STX8: variants seen among roughly 807,000 people sequenced by gnomAD.
STX8 encodes the protein syntaxin-8.
Under a neutral mutation model 37.5 loss-of-function variants are expected in STX8, and 23 were observed. The ratio of observed to expected loss-of-function variants is 0.61; its 90% CI spans 0.44 to 0.87. STX8 has a LOEUF of 0.87. Ranked by LOEUF, STX8 falls within the 40% of genes least tolerant of loss-of-function variation. STX8 has a pLI of 0.00. For missense variants in STX8, 313 were observed against 284.7 expected, an observed-to-expected ratio of 1.10 and a Z score of -0.71; for synonymous variants, 115 against 99.1, an observed-to-expected ratio of 1.16 and a Z score of -0.95.
intron 6 of STX8, among the ~76,000 whole-genome samples, chr17:9,418,928 T>C (rs932299049): frequency 3.0e-5 from 4 of 134,358 alleles, no homozygotes; most frequent in Non-Finnish European, 5.0e-5. Context: ...TTTTCTTTTT[T>C]TTTTTTTTTT....
chr17:9,441,423 G>C (rs1442417292), intron 6 of STX8, among the ~76,000 whole-genome samples: 3 of 149,344 alleles, frequency 2.0e-5, no homozygotes, highest in African/African-American at 7.4e-5. Flanking sequence ...CCAGGAGGCA[G>C]AGGTGGCAGT....
intron 4 of STX8, among the ~76,000 whole-genome samples, chr17:9,530,485 A>C (rs1254697116): frequency 6.6e-6 from 1 of 152,232 alleles, no homozygotes; most frequent in Non-Finnish European, 1.5e-5. Context: ...ACATCCTAGC[A>C]ACACTTGACA....
chr17:9,317,202 C>T (rs985829350), intron 7 of STX8, among the ~76,000 whole-genome samples: 4 of 152,146 alleles, frequency 2.6e-5, no homozygotes, highest in African/African-American at 9.7e-5. Flanking sequence ...AAAGAAAGAG[C>T]TCTATACATT....
chr17:9,293,469 A>G lies in STX8; in HGVS notation c.644-42824T>C, dbSNP rs1395492096. ...TCACAGAAGATGTGGAATTTTAGAG[A>G]CTTTTTTTTTTTTTAATGAGAACAT... On this transcript the variant is annotated intron_variant, in intron 7 of 7. Transcript: ENST00000306357. Among the ~76,000 whole-genome samples, 3 of 142,116 alleles carry G rather than the reference A, an allele frequency of 2.1e-5. No individual in the cohort carries two copies. In the Admixed American group the frequency reaches 2.1e-4, roughly 10 times the overall value. 93.2% of individuals were successfully genotyped at this position (142,116 alleles called of 152,430 possible).
chr17:9,396,367 G>T (rs1009464245), intron 6 of STX8, among the ~76,000 whole-genome samples: 3 of 150,582 alleles, frequency 2.0e-5, no homozygotes, highest in Admixed American at 6.6e-5. Flanking sequence ...ATAGGAATTT[G>T]GGGGGGCGGG....
intron 6 of STX8, among the ~76,000 whole-genome samples, chr17:9,430,218 TA>T (rs1038505829): frequency 1.5e-5 from 2 of 131,534 alleles, no homozygotes; most frequent in African/African-American, 5.7e-5. Context: ...TATATATAAA[TA>T]AAATATATAT....
At chr17:9,518,782 C>T (rs1018441474) in intron 4 of STX8, among the ~76,000 whole-genome samples, 32 of 151,634 alleles carry the variant, frequency 2.1e-4, no homozygotes, top group Admixed American at 9.9e-4. Context: ...GCAGGAGAAT[C>T]GCCTGAACCC....
At chr17:9,562,612 AAATATAT>A (rs1037432875) in intron 2 of STX8, among the ~76,000 whole-genome samples, 1 of 15,606 alleles carries the variant, frequency 6.4e-5, no homozygotes, top group African/African-American at 8.7e-5. Flanking sequence ...AAAAAAAAAA[AAATATAT>A]ATATATATAT....
At chr17:9,384,653 C>T (rs1911927444) in intron 6 of STX8, among the ~76,000 whole-genome samples, 1 of 151,728 alleles carries the variant, frequency 6.6e-6, no homozygotes, top group African/African-American at 2.4e-5. Context: ...CAAAACAAAA[C>T]AAAACAAAAC....
At chr17:9,431,239 GTTTT>G (rs35452165) in intron 6 of STX8, among the ~76,000 whole-genome samples, 1 of 120,760 alleles carries the variant, frequency 8.3e-6, no homozygotes, top group South Asian at 2.7e-4. Flanking sequence ...TTATTTTTCT[GTTTT>G]TTTTTTTAGT....
chr17:9,370,638 G>A (rs1300927199), intron 7 of STX8, among the ~76,000 whole-genome samples: 1 of 152,102 alleles, frequency 6.6e-6, no homozygotes, highest in East Asian at 1.9e-4. Context: ...CACAATAAAC[G>A]TGCTTAGACA....
intron 7 of STX8, among the ~76,000 whole-genome samples, chr17:9,367,952 G>A (rs374850469): frequency 2.6e-5 from 4 of 152,040 alleles, no homozygotes; most frequent in Admixed American, 6.6e-5. Context: ...GGCTGGTCTC[G>A]AACTCCTGAC....
At chr17:9,441,151 T>C (rs1490270581) in intron 6 of STX8, among the ~76,000 whole-genome samples, 1 of 152,104 alleles carries the variant, frequency 6.6e-6, no homozygotes, top group Non-Finnish European at 1.5e-5. Flanking sequence ...CTAAGATGAA[T>C]ACAACATAAT....
At chr17:9,307,828 T>C (rs766974189) in intron 7 of STX8, among the ~76,000 whole-genome samples, 1 of 152,040 alleles carries the variant, frequency 6.6e-6, no homozygotes, top group African/African-American at 2.4e-5. Context: ...GAAGCCAGAA[T>C]TCCTCTTCCC....
At chr17:9,568,882 T>A (rs1430078973) in intron 1 of STX8, among the ~76,000 whole-genome samples, 1 of 152,220 alleles carries the variant, frequency 6.6e-6, no homozygotes, top group Non-Finnish European at 1.5e-5. Context: ...AGGGGAAGAA[T>A]AATAACATGA....
chr17:9,334,953 T>C (rs187455663), intron 7 of STX8, among the ~76,000 whole-genome samples: 1 of 152,340 alleles, frequency 6.6e-6, no homozygotes, highest in East Asian at 1.9e-4. Flanking sequence ...TCCTTGCCCC[T>C]AGTTTCAGTA....
chr17:9,250,545 CAG>C lies in STX8; in HGVS notation c.*31_*32del. 6.4e-7 allele frequency: 1 copy of C among 1,565,882 alleles called. No homozygotes were observed. The highest frequency in any genetic ancestry group is 8.7e-7 in the Non-Finnish European group (1 of 1,152,438). Reference sequence around the variant, plus strand: ...GTGTTGGGCTTGCATCTGTCATTGGCAGGTGTCACTGCTGGTGGTCTCTTTAC... The same window carrying C: ...GTGTTGGGCTTGCATCTGTCATTGGCGTGTCACTGCTGGTGGTCTCTTTAC... On this transcript the variant is annotated 3_prime_UTR_variant, in exon 8 of 8. Transcript: ENST00000306357.
At chr17:9,345,848 C>CTTTTTTTT (rs545020159) in intron 7 of STX8, among the ~76,000 whole-genome samples, 5,480 of 51,314 alleles carry the variant, frequency 0.11, 1,381 homozygotes, top group Middle Eastern at 0.27. Flanking sequence ...TTATGCATTC[C>CTTTTTTTT]TTTTTTTTTT....
chr17:9,342,910 A>G (rs1910412061), intron 7 of STX8, among the ~76,000 whole-genome samples: 1 of 151,014 alleles, frequency 6.6e-6, no homozygotes, highest in Non-Finnish European at 1.5e-5. Flanking sequence ...AGTCCCAGCT[A>G]CTTGGGAGGC....
Sources: allele counts gnomAD v4.1 joint callset (sites outside exome capture counted in the v4.1 genomes callset), GRCh38; gene constraint gnomAD v4.1.1; transcripts MANE v1.5; gene names NCBI Gene and HGNC (gene_info 2026-07-23, HGNC 2026-07-21).